TANGO2: variants seen among roughly 807,000 people sequenced by gnomAD.
The protein encoded by TANGO2 is transport and golgi organization 2 homolog.
In TANGO2, 26 loss-of-function variants were observed where a neutral mutation model predicts 39.1. The observed-to-expected ratio is 0.67, with a 90% CI of 0.49 to 0.92. TANGO2 has a LOEUF of 0.92. Ranked by LOEUF, TANGO2 falls within the 40% of genes least tolerant of loss-of-function variation. TANGO2 has a pLI of 0.00. For missense variants in TANGO2, 326 were observed against 360.1 expected (o/e 0.91, Z 0.77); for synonymous variants, 131 against 144.5 (o/e 0.91, Z 0.67).
intron 6 of TANGO2, chr22:20,056,798 G>A (rs777085846): frequency 2.4e-5 from 11 of 456,496 alleles, no homozygotes; most frequent in Admixed American, 1.6e-4. Flanking sequence ...CCTAGGTTCC[G>A]GGGACTGCTG....
rs1004203888 is a variant in TANGO2, at chr22:20,043,433, G to A, written c.135G>A (p.Glu45=). Residue 45 remains glutamate, a synonymous_variant, in exon 3 of 9, where the codon GAG becomes GAA. Coordinates refer to ENST00000327374, the MANE Select transcript of TANGO2 (RefSeq NM_152906.7). ...KLADFWGNNN[E]ILSGLDMEEG... ...CTGACTTCTGGGGGAACAACAACGAGATCCTCAGTGGTGAGTCTTCCTGCG... is the reference window on the plus strand; with the variant it reads ...CTGACTTCTGGGGGAACAACAACGAAATCCTCAGTGGTGAGTCTTCCTGCG... 6.2e-7 allele frequency: 1 copy of A among 1,612,552 alleles called. No individual in the cohort carries two copies. Among genetic ancestry groups the A allele is most frequent in the African/African-American group, 1.3e-5 (1 of 75,034 alleles).
chr22:20,056,759 C>T, intron 6 of TANGO2: 1 of 456,332 alleles, frequency 2.2e-6, no homozygotes, highest in South Asian at 1.5e-5. Flanking sequence ...GGCATTTCCC[C>T]TGGGTGCACA....
At chr22:20,060,249 TGA>T (rs1408373636) in intron 6 of TANGO2, among the ~76,000 whole-genome samples, 1 of 148,470 alleles carries the variant, frequency 6.7e-6, no homozygotes, top group Non-Finnish European at 1.5e-5. Flanking sequence ...CGTGGGAGGC[TGA>T]GACAGGAGAA....
rs1187973487 is a variant in TANGO2, at chr22:20,057,646, T to C, written c.451+1633T>C. On this transcript the variant is annotated intron_variant, in intron 6 of 8. Coordinates refer to ENST00000327374, the MANE Select transcript of TANGO2 (RefSeq NM_152906.7). The surrounding 1 kb of genome is among the most constrained non-coding windows in gnomAD (Gnocchi z 4.1). ...GTCCTGAGCTTGCAAAGGATTGTTC[T>C]GGCTGTCTCAGCCAGCTCTTGCTGT... Among the ~76,000 whole-genome samples, 2 of 152,254 alleles carry C rather than the reference T, an allele frequency of 1.3e-5. No homozygotes were observed. Among genetic ancestry groups the C allele is most frequent in the African/African-American group, 4.8e-5 (2 of 41,468 alleles).
intron 2 of TANGO2, chr22:20,037,061 G>A: frequency 6.5e-7 from 1 of 1,537,462 alleles, no homozygotes; most frequent in Non-Finnish European, 8.7e-7. Context: ...AATGTACAAA[G>A]ACGTGAAGAC....
chr22:20,063,219 C>G (rs182655217), intron 7 of TANGO2, 119 bp from the exon 8 acceptor site: 74 of 707,878 alleles, frequency 1.0e-4, no homozygotes, highest in East Asian at 8.7e-4. Context: ...AAGAAACAAC[C>G]CTTGCAGTTC....
At chr22:20,022,012 T>C (rs779809097) in intron 1 of TANGO2, among the ~76,000 whole-genome samples, 2 of 152,258 alleles carry the variant, frequency 1.3e-5, no homozygotes, top group Admixed American at 6.5e-5. Flanking sequence ...CTAGACCTGC[T>C]GACCACTGTT....
intron 1 of TANGO2, among the ~76,000 whole-genome samples, chr22:20,033,676 A>G (rs1354260263): frequency 1.3e-5 from 2 of 152,210 alleles, no homozygotes; most frequent in African/African-American, 4.8e-5. Flanking sequence ...TCTCATGTGC[A>G]GGAAAGACCA....
chr22:20,039,704 G>A (rs532514867), intron 2 of TANGO2, among the ~76,000 whole-genome samples: 19 of 152,146 alleles, frequency 1.2e-4, no homozygotes, highest in African/African-American at 4.3e-4. Context: ...TCAGCCTAGA[G>A]TGGCTGCAGG....
At chr22:20,044,531 A>G (rs993427013) in intron 3 of TANGO2, among the ~76,000 whole-genome samples, 5 of 149,558 alleles carry the variant, frequency 3.3e-5, no homozygotes, top group Non-Finnish European at 5.9e-5. Flanking sequence ...GTCTCATTCA[A>G]TCAGTCAATC....
Position 20,055,995 on chromosome 22 carries a change from C to A in TANGO2, c.433C>A (p.Pro145Thr). 1 of 1,614,078 alleles carries A rather than the reference C, an allele frequency of 6.2e-7. No individual in the cohort carries two copies. The highest frequency in any genetic ancestry group is 1.6e-4 in the Middle Eastern group (1 of 6,062). The change falls in exon 6 of 9, where the codon CCT (proline) becomes ACT (threonine). Residue 145 changes from proline (P) to threonine (T), a missense_variant. Physicochemically the swap from Pro to Thr is conservative, Grantham distance 38 (BLOSUM62 -1). Coordinates refer to ENST00000327374, the MANE Select transcript of TANGO2 (RefSeq NM_152906.7). ...CYYGNRGEPDPIVLTPGTYGL... is the reference protein window; with the variant it reads ...CYYGNRGEPDTIVLTPGTYGL... Reference sequence around the variant, plus strand: ...CTATGGGAACCGAGGGGAGCCTGATCCTATCGTTTTGACGCCAGGTGAGCC... The same window carrying A: ...CTATGGGAACCGAGGGGAGCCTGATACTATCGTTTTGACGCCAGGTGAGCC...
chr22:20,033,663 G>T (rs1040767942), intron 1 of TANGO2, among the ~76,000 whole-genome samples: 12 of 152,230 alleles, frequency 7.9e-5, no homozygotes, highest in Admixed American at 2.6e-4. Flanking sequence ...TGCAGCCAGG[G>T]GTTCTCATGT....
At chr22:20,058,155 C>T (rs187661461) in intron 6 of TANGO2, 1 of 152,222 alleles carries the variant, frequency 6.6e-6, no homozygotes, top group Non-Finnish European at 1.5e-5. Context: ...CTACCTAATT[C>T]CAGGACATTT....
chr22:20,042,276 T>G (rs780369823), intron 2 of TANGO2, among the ~76,000 whole-genome samples: 18 of 152,276 alleles, frequency 1.2e-4, no homozygotes, highest in South Asian at 6.2e-4. Flanking sequence ...TGTCATCCAC[T>G]GTGCCTGGCC....
Position 20,065,440 on chromosome 22 carries a change from C to A in TANGO2, c.*778C>A, listed in dbSNP as rs1052836939. ...CACTGCAACCTCCGCCTCCCAAGTT[C>A]AAGCAATTCTCCTGCCCCAGCCTCC... On this transcript the variant is annotated 3_prime_UTR_variant, in exon 9 of 9. Coordinates refer to ENST00000327374, the MANE Select transcript of TANGO2 (RefSeq NM_152906.7). The A allele has an allele frequency of 6.6e-6, 1 of 152,112 alleles. No individual in the cohort carries two copies. The highest frequency in any genetic ancestry group is 2.4e-5 in the African/African-American group (1 of 41,366). 9.4% of individuals were successfully genotyped at this position (152,112 alleles called of 1,614,324 possible). A position where few individuals can be genotyped will look rare whatever the true frequency, so the allele number is the denominator to read the frequency against.
At position 20,065,844 on chromosome 22, in the gene TANGO2, C is replaced by A; in HGVS notation, c.*1182C>A. 6.6e-6 allele frequency: 1 copy of A among 152,478 alleles called. No homozygotes were observed. The allele number at this position is 152,478 out of a possible 1,614,324, so 9.4% of individuals were successfully genotyped here. A position where few individuals can be genotyped will look rare whatever the true frequency, so the allele number is the denominator to read the frequency against. On this transcript the variant is annotated 3_prime_UTR_variant, in exon 9 of 9. Transcript: ENST00000327374. ...AGCCAGCCCTGCTCTCTCCCTCTTCCCTCCAGGTGAGGCAAACTTCATAGG... is the reference window on the plus strand; with the variant it reads ...AGCCAGCCCTGCTCTCTCCCTCTTCACTCCAGGTGAGGCAAACTTCATAGG...
intron 3 of TANGO2, among the ~76,000 whole-genome samples, chr22:20,049,481 A>T (rs2045871544): frequency 6.6e-6 from 1 of 152,098 alleles, no homozygotes; most frequent in African/African-American, 2.4e-5. Context: ...ACCAACATGG[A>T]GAAACCCCGT....
Position 20,057,109 on chromosome 22 carries a change from T to C in TANGO2, c.451+1096T>C. ...CAGGTGCACACCTTCCCACTGGGTGTACACGGTGGAACTGAAGCCCCAGGC... is the reference window on the plus strand; with the variant it reads ...CAGGTGCACACCTTCCCACTGGGTGCACACGGTGGAACTGAAGCCCCAGGC... On this transcript the variant is annotated intron_variant, in intron 6 of 8. Transcript: ENST00000327374. This position sits in a 1 kb window ranked among gnomAD's most constrained non-coding sequence, Gnocchi z 4.1. 1 of 386,758 alleles carries C rather than the reference T, an allele frequency of 2.6e-6. No homozygotes were observed. The highest frequency in any genetic ancestry group is 1.9e-5 in the South Asian group (1 of 53,172). The allele number at this position is 386,758 out of a possible 1,614,324, so 24.0% of individuals were successfully genotyped here. A position where few individuals can be genotyped will look rare whatever the true frequency, so the allele number is the denominator to read the frequency against.
chr22:20,027,180 G>A (rs981577937), intron 1 of TANGO2, among the ~76,000 whole-genome samples: 3 of 152,226 alleles, frequency 2.0e-5, no homozygotes, highest in African/African-American at 2.4e-5. Flanking sequence ...ACCAGATCTC[G>A]TGAGAACTCT....
Sources: gnomAD v4.1 joint callset for allele counts (sites outside exome capture counted in the v4.1 genomes callset) on GRCh38, gnomAD v4.1.1 for gene constraint, Gnocchi (gnomAD v3.1) non-coding constraint, MANE v1.5 for transcripts, NCBI Gene and HGNC (gene_info 2026-07-23, HGNC 2026-07-21) for gene names.